The following FNIP2 variants were observed in gnomAD, a reference collection of about 807,000 sequenced individuals.
FNIP2 encodes the protein folliculin-interacting protein 2.
A neutral mutation model predicts 108.7 loss-of-function variants in FNIP2; 32 were observed. The observed-to-expected ratio is 0.29, with a 90% CI of 0.22 to 0.40. FNIP2 has a LOEUF of 0.40. FNIP2 is among the 10% of genes least tolerant of loss of function. The probability of loss-of-function intolerance (pLI) is 1.00; values close to 1 mark genes in which losing one functional copy is unlikely to be tolerated. For synonymous variants in FNIP2, 480 were observed against 496.7 expected, an observed-to-expected ratio of 0.97 and a Z score of 0.45; for missense variants, 1,202 against 1,381.6, an observed-to-expected ratio of 0.87 and a Z score of 2.06.
At chr4:158,815,242 A>T (rs1007051733) in intron 1 of FNIP2, among the ~76,000 whole-genome samples, 7 of 152,172 alleles carry the variant, frequency 4.6e-5, no homozygotes, top group Non-Finnish European at 7.3e-5. Context: ...TGAGCCCAGG[A>T]TGTCTGGGTC....
Position 158,904,728 on chromosome 4 carries a change from C to T in FNIP2, c.*184C>T. Reference sequence around the variant, plus strand: ...TCATTGAAGACTTAGGTTTACTTGACATAATAGCATTTGTGATTGTCGTGA... The same window carrying T: ...TCATTGAAGACTTAGGTTTACTTGATATAATAGCATTTGTGATTGTCGTGA... On this transcript the variant is annotated 3_prime_UTR_variant, in exon 17 of 17. Transcript: ENST00000264433. The T allele has an allele frequency of 1.7e-6, 1 of 582,056 alleles. No individual in the cohort carries two copies. Among genetic ancestry groups the T allele is most frequent in the Non-Finnish European group, 3.1e-6 (1 of 326,994 alleles). The allele number at this position is 582,056 out of a possible 1,614,324, so 36.1% of individuals were successfully genotyped here.
At chr4:158,891,950 C>G (rs1220574156) in intron 15 of FNIP2, among the ~76,000 whole-genome samples, 1 of 152,104 alleles carries the variant, frequency 6.6e-6, no homozygotes, top group Non-Finnish European at 1.5e-5. Context: ...CACTGGAGAA[C>G]TCATGAGTTC....
intron 7 of FNIP2, among the ~76,000 whole-genome samples, chr4:158,845,500 G>A (rs1779351763): frequency 6.6e-6 from 1 of 152,202 alleles, no homozygotes; most frequent in African/African-American, 2.4e-5. Flanking sequence ...CTGGGCTTGA[G>A]CTATCCTCCT....
At chr4:158,847,831 G>T (rs1779487514) in intron 7 of FNIP2, among the ~76,000 whole-genome samples, 1 of 152,198 alleles carries the variant, frequency 6.6e-6, no homozygotes. Context: ...GAGCCCTTGG[G>T]CGTTAAGTGA....
At chr4:158,894,615 AT>A (rs1339361609) in intron 15 of FNIP2, among the ~76,000 whole-genome samples, 6 of 152,204 alleles carry the variant, frequency 3.9e-5, no homozygotes, top group African/African-American at 1.2e-4. Context: ...GTTCAATGTA[AT>A]ATGAATATTA....
chr4:158,814,348 G>A lies in FNIP2; in HGVS notation c.108-11568G>A, dbSNP rs149088699. ...CTTGTTAAAGTCTCCTAACTTCCGT[G>A]TAAAACGTTATATAATACAGACTCT... is the stretch of plus-strand genomic sequence containing the variant. On this transcript the variant is annotated intron_variant, in intron 1 of 16. Transcript: ENST00000264433. Among the ~76,000 whole-genome samples, 22 of 152,348 alleles carry A rather than the reference G, an allele frequency of 1.4e-4. No individual in the cohort carries two copies. The East Asian group carries it at 4.0e-3, about 28-fold the overall frequency.
At chr4:158,844,708 T>C (rs1259368087) in intron 7 of FNIP2, among the ~76,000 whole-genome samples, 4 of 152,246 alleles carry the variant, frequency 2.6e-5, no homozygotes, top group Non-Finnish European at 5.9e-5. Context: ...GTTGAGTGAA[T>C]GGATTTGATT....
chr4:158,868,043 A>C lies in FNIP2; in HGVS notation c.1466-59A>C. On this transcript the variant is annotated intron_variant, in intron 12 of 16. Coordinates refer to ENST00000264433, the MANE Select transcript of FNIP2 (RefSeq NM_020840.3). This position sits in a 1 kb window ranked among gnomAD's most constrained non-coding sequence, Gnocchi z 4.6. Reference sequence around the variant, plus strand: ...CTGTTTTGCTCTTGTAAAGACGGATATATCTGTGACATGCTAACCCCAGAG... The same window carrying C: ...CTGTTTTGCTCTTGTAAAGACGGATCTATCTGTGACATGCTAACCCCAGAG... 3 of 1,583,806 alleles carry C rather than the reference A, an allele frequency of 1.9e-6. No individual in the cohort carries two copies. Among genetic ancestry groups the C allele is most frequent in the Non-Finnish European group, 1.7e-6 (2 of 1,164,322 alleles).
chr4:158,897,507 T>C (rs1159742013), intron 16 of FNIP2, among the ~76,000 whole-genome samples: 1 of 152,206 alleles, frequency 6.6e-6, no homozygotes, highest in African/African-American at 2.4e-5. Context: ...GCATTTGTTT[T>C]TTCCTGACTT....
chr4:158,895,772 G>A lies in FNIP2; in HGVS notation c.3173G>A (p.Arg1058Lys). Reference sequence around the variant, plus strand: ...CAGTGCATCATGCATCTTGAAGATAGACTACAGGAGATGTACCTTAAAAGT... The same window carrying A: ...CAGTGCATCATGCATCTTGAAGATAAACTACAGGAGATGTACCTTAAAAGT... ...ADFCIMHLEDRLQEMYLKSKM... is the reference protein window; with the variant it reads ...ADFCIMHLEDKLQEMYLKSKM... The change falls in exon 16 of 17, where the codon AGA becomes AAA. Residue 1058 changes from arginine to lysine, a missense_variant. Transcript: ENST00000264433. 6 of 1,612,040 alleles carry A rather than the reference G, an allele frequency of 3.7e-6. No individual in the cohort carries two copies. Among genetic ancestry groups the A allele is most frequent in the Non-Finnish European group, 5.1e-6 (6 of 1,178,762 alleles).
chr4:158,801,310 A>G (rs1734687169), intron 1 of FNIP2, among the ~76,000 whole-genome samples: 1 of 152,182 alleles, frequency 6.6e-6, no homozygotes, highest in Non-Finnish European at 1.5e-5. Context: ...CTCACAAAGC[A>G]CATGACTTGG....
chr4:158,881,186 C>T (rs573246950), intron 14 of FNIP2, among the ~76,000 whole-genome samples: 12 of 152,176 alleles, frequency 7.9e-5, no homozygotes, highest in African/African-American at 2.9e-4. Context: ...CCCTCTCCGT[C>T]TCCCTCCACG....
chr4:158,852,976 A>G (rs745887128), intron 8 of FNIP2, among the ~76,000 whole-genome samples: 18 of 152,302 alleles, frequency 1.2e-4, no homozygotes, highest in Non-Finnish European at 2.5e-4. Flanking sequence ...TGGTCCTCTT[A>G]CCCAAAAAAC....
chr4:158,788,755 G>A (rs770621767), intron 1 of FNIP2, among the ~76,000 whole-genome samples: 1 of 152,204 alleles, frequency 6.6e-6, no homozygotes, highest in Non-Finnish European at 1.5e-5. Context: ...CACAAGTCTG[G>A]ATTTAATCTA....
chr4:158,806,611 G>T (rs997187958), intron 1 of FNIP2, among the ~76,000 whole-genome samples: 1 of 152,130 alleles, frequency 6.6e-6, no homozygotes, highest in Non-Finnish European at 1.5e-5. Context: ...GTAAGCATGG[G>T]TATTTTTTAG....
intron 14 of FNIP2, among the ~76,000 whole-genome samples, chr4:158,877,208 T>C (rs1197217682): frequency 1.3e-5 from 2 of 152,234 alleles, no homozygotes; most frequent in African/African-American, 2.4e-5. Flanking sequence ...CCAGAAGTTA[T>C]GTACGGTATC....
At chr4:158,806,270 CCA>C in intron 1 of FNIP2, 1 of 1,289,372 alleles carries the variant, frequency 7.8e-7, no homozygotes. Flanking sequence ...ACAGCGAACA[CCA>C]CAAACCAGCC....
intron 1 of FNIP2, among the ~76,000 whole-genome samples, chr4:158,793,513 T>C (rs1358881032): frequency 2.0e-5 from 3 of 152,212 alleles, no homozygotes; most frequent in Admixed American, 2.0e-4. Flanking sequence ...GTTTGACTAA[T>C]TGCTATAAGA....
chr4:158,872,125 G>A (rs959254364), intron 14 of FNIP2: 5 of 985,276 alleles, frequency 5.1e-6, no homozygotes, highest in Non-Finnish European at 6.0e-6. Flanking sequence ...GACTACAGGG[G>A]AACTAATGGG....
Sources: allele counts gnomAD v4.1 joint callset (sites outside exome capture counted in the v4.1 genomes callset), GRCh38; gene constraint gnomAD v4.1.1; non-coding constraint Gnocchi (gnomAD v3.1); transcripts MANE v1.5; gene names NCBI Gene and HGNC (gene_info 2026-07-23, HGNC 2026-07-21).